PRSS23: variants seen among roughly 807,000 people sequenced by gnomAD.
The protein encoded by PRSS23 is serine protease 23, also known as protease, serine 23.
PRSS23 carries 25 observed loss-of-function variants against 34.7 expected under a neutral mutation model. The observed-to-expected ratio is 0.72, with a 90% CI of 0.53 to 1.01. The LOEUF (loss-of-function observed/expected upper bound fraction) is 1.01. Among genes scored for constraint, PRSS23 ranks in the 50% least tolerant of loss-of-function variants. The pLI is 0.00. For synonymous variants in PRSS23, 176 were observed against 186.6 expected (o/e 0.94, Z 0.46); for missense variants, 445 against 475.6 (o/e 0.94, Z 0.60).
intron 1 of PRSS23, among the ~76,000 whole-genome samples, chr11:86,802,216 G>A (rs79905235): frequency 0.088 from 13,431 of 152,184 alleles, 826 homozygotes; most frequent in Non-Finnish European, 0.12. Context: ...AATATTAGCA[G>A]GTTTTTTTGC....
chr11:86,835,401 T>A (rs1948396918), intron 2 of PRSS23, among the ~76,000 whole-genome samples: 1 of 152,252 alleles, frequency 6.6e-6, no homozygotes, highest in Non-Finnish European at 1.5e-5. Context: ...CTCCTAGAGC[T>A]ATTCCTGTTT....
chr11:86,931,869 G>C (rs547039191), intron 2 of PRSS23, among the ~76,000 whole-genome samples: 3 of 152,210 alleles, frequency 2.0e-5, no homozygotes, highest in Admixed American at 2.0e-4. Flanking sequence ...AGGAAGATAG[G>C]AGGCAACTGT....
chr11:86,839,664 G>C (rs1392171087), intron 2 of PRSS23, among the ~76,000 whole-genome samples: 6 of 151,890 alleles, frequency 4.0e-5, no homozygotes. Flanking sequence ...ATTCACCAAG[G>C]TTGAAATGAA....
At chr11:86,882,244 G>A (rs1421429061) in intron 2 of PRSS23, among the ~76,000 whole-genome samples, 1 of 152,144 alleles carries the variant, frequency 6.6e-6, no homozygotes, top group Non-Finnish European at 1.5e-5. Context: ...TGTGCAGGAT[G>A]TGTAGGTTTG....
intron 1 of PRSS23, among the ~76,000 whole-genome samples, chr11:86,795,401 A>G (rs1052357595): frequency 3.9e-5 from 6 of 152,238 alleles, no homozygotes; most frequent in African/African-American, 1.4e-4. Flanking sequence ...TAACTTGCCC[A>G]CATTCACCCA....
At chr11:86,831,997 G>A (rs1298234871) in intron 2 of PRSS23, among the ~76,000 whole-genome samples, 5 of 151,410 alleles carry the variant, frequency 3.3e-5, no homozygotes, top group African/African-American at 7.3e-5. Context: ...CCTAATGTTC[G>A]AGATGGTGTA....
At chr11:86,939,041 T>C in intron 2 of PRSS23, 1 of 451,682 alleles carries the variant, frequency 2.2e-6, no homozygotes, top group Non-Finnish European at 4.4e-6. Flanking sequence ...TTTCATCCAT[T>C]CTTAAAATTG....
intron 2 of PRSS23, chr11:86,951,176 A>T (rs764902681): frequency 6.2e-7 from 1 of 1,614,074 alleles, no homozygotes; most frequent in East Asian, 2.2e-5. Flanking sequence ...TCCAGGCTTC[A>T]CCCAACCATT....
At chr11:86,825,971 T>C (rs1338309236) in intron 2 of PRSS23, among the ~76,000 whole-genome samples, 1 of 152,236 alleles carries the variant, frequency 6.6e-6, no homozygotes, top group Non-Finnish European at 1.5e-5. Flanking sequence ...CGGGATCTTT[T>C]TGGTTCCATA....
chr11:86,823,561 T>C (rs1266459504), exon 2 of PRSS23: 3 of 702,516 alleles, frequency 4.3e-6, no homozygotes, highest in South Asian at 3.0e-5. Context: ...GACAGTGTTC[T>C]GCTTTCATGG....
intron 2 of PRSS23, chr11:86,934,844 C>A (rs1234643007): frequency 6.6e-6 from 1 of 152,202 alleles, no homozygotes; most frequent in Non-Finnish European, 1.5e-5. Context: ...GAGAGGGGAT[C>A]CTAAACTATC....
intron 1 of PRSS23, among the ~76,000 whole-genome samples, chr11:86,820,925 T>C (rs1381951148): frequency 2.0e-5 from 3 of 152,200 alleles, no homozygotes; most frequent in Non-Finnish European, 4.4e-5. Context: ...ATAGTACTAA[T>C]CTTATTCTAA....
chr11:86,821,661 G>T, intron 1 of PRSS23: 1 of 1,554,548 alleles, frequency 6.4e-7, no homozygotes, highest in Non-Finnish European at 8.8e-7. Flanking sequence ...CAAGAATTTT[G>T]TCAATATTGG....
chr11:86,833,422 A>G, intron 2 of PRSS23: 1 of 581,400 alleles, frequency 1.7e-6, no homozygotes, highest in South Asian at 1.6e-5. Context: ...TTCTAGGAGG[A>G]GGAATTTTGA....
intron 2 of PRSS23, among the ~76,000 whole-genome samples, chr11:86,850,121 C>G (rs1423676745): frequency 1.3e-5 from 2 of 152,204 alleles, no homozygotes; most frequent in African/African-American, 4.8e-5. Context: ...AGCCATCCTA[C>G]TATTACTCAC....
chr11:86,830,257 C>T (rs950098615), intron 2 of PRSS23, among the ~76,000 whole-genome samples: 2 of 152,208 alleles, frequency 1.3e-5, no homozygotes, highest in Admixed American at 6.5e-5. Context: ...GCTGTGCTAG[C>T]AATCAGCGAG....
rs565351462 is a variant in PRSS23 at position 86,867,253 on chromosome 11, C to T, written c.206+43660C>T. On this transcript the variant is annotated intron_variant, in intron 2 of 2. Coordinates refer to the PRSS23 transcript ENST00000533902. ...CATCCTTAAGGGCCTGGCACAAGGC[C>T]TCCTTCTCCTTAAAACCTCCCCAAG... Among the ~76,000 whole-genome samples, 11 of 152,300 alleles carry T rather than the reference C, an allele frequency of 7.2e-5. No homozygotes were observed. In the East Asian group the frequency reaches 1.2e-3, roughly 16 times the overall value.
At chr11:86,895,105 AT>A (rs1229877111) in intron 2 of PRSS23, among the ~76,000 whole-genome samples, 2 of 152,218 alleles carry the variant, frequency 1.3e-5, no homozygotes, top group Non-Finnish European at 2.9e-5. Flanking sequence ...GTCCTATTCC[AT>A]TTTGATATAC....
At chr11:86,822,738 G>T (rs1948262642) in intron 1 of PRSS23, among the ~76,000 whole-genome samples, 1 of 152,134 alleles carries the variant, frequency 6.6e-6, no homozygotes, top group African/African-American at 2.4e-5. Context: ...GAATGGGATG[G>T]GGCCACCTCT....
Sources: allele counts gnomAD v4.1 joint callset (sites outside exome capture counted in the v4.1 genomes callset), GRCh38; gene constraint gnomAD v4.1.1; transcripts MANE v1.5; gene names NCBI Gene and HGNC (gene_info 2026-07-23, HGNC 2026-07-21).